FAM98A: variants seen among roughly 807,000 people sequenced by gnomAD.
FAM98A encodes tRNA splicing ligase complex subunit 3A, also known as protein FAM98A.
In FAM98A, 25 loss-of-function variants were observed where a neutral mutation model predicts 62.9. The ratio of observed to expected loss-of-function variants is 0.40; its 90% confidence interval spans 0.29 to 0.56. FAM98A has a LOEUF of 0.56. Among genes scored for constraint, FAM98A ranks in the 20% least tolerant of loss-of-function variants. FAM98A has a pLI of 0.51. For missense variants in FAM98A, 653 were observed against 640.7 expected, an observed-to-expected ratio of 1.02 and a Z score of -0.21; for synonymous variants, 252 against 228.6, an observed-to-expected ratio of 1.10 and a Z score of -0.92.
At chr2:33,587,151 AT>A (rs1180955144) in intron 5 of FAM98A, 88 bp downstream of exon 5, 8 of 836,110 alleles carry the variant, frequency 9.6e-6, no homozygotes, top group Non-Finnish European at 1.4e-5. Context: ...AGAAAACATA[AT>A]TTAAAAAGCA....
At position 33,584,082 on chromosome 2, in the gene FAM98A, C is replaced by T. The variant is rs1677477760; in HGVS notation, c.*694G>A. On this transcript the variant is annotated 3_prime_UTR_variant, in exon 8 of 8. Coordinates refer to ENST00000238823, the MANE Select transcript of FAM98A (RefSeq NM_015475.5). ...GGTCAGTTTGAATTGCTATACTTAA[C>T]TAAATGCCTACATGTACTATAGCTT... 6.6e-6 allele frequency: 1 copy of T among 152,634 alleles called. No individual in the cohort carries two copies. The highest frequency in any genetic ancestry group is 2.4e-5 in the African/African-American group (1 of 41,444). 9.5% of individuals were successfully genotyped at this position (152,634 alleles called of 1,614,324 possible).
chr2:33,588,286 T>G, intron 4 of FAM98A, 49 bp downstream of exon 4: 1 of 1,376,470 alleles, frequency 7.3e-7, no homozygotes, highest in East Asian at 2.3e-5. Flanking sequence ...TTCAAACAAA[T>G]GTAGGACTAT....
At chr2:33,595,450 A>G in intron 2 of FAM98A, 39 bp downstream of exon 2, 1 of 1,550,916 alleles carries the variant, frequency 6.4e-7, no homozygotes, top group South Asian at 1.2e-5. Context: ...CCTCAATGTT[A>G]TTTTTATACT....
intron 2 of FAM98A, among the ~76,000 whole-genome samples, 166 bp downstream of exon 2, chr2:33,595,323 T>C (rs1452665432): frequency 6.6e-6 from 1 of 152,224 alleles, no homozygotes; most frequent in East Asian, 1.9e-4. Flanking sequence ...TTTCAACTTC[T>C]GAATCACCTC....
At chr2:33,596,435 A>C (rs560896050) in intron 1 of FAM98A, among the ~76,000 whole-genome samples, 54 of 152,176 alleles carry the variant, frequency 3.5e-4, no homozygotes, top group Non-Finnish European at 6.6e-4. Flanking sequence ...AAACATTCAT[A>C]AAAGATGACA....
At chr2:33,599,127 G>A (rs761945268) in intron 1 of FAM98A, 42 bp downstream of exon 1, 1 of 1,564,972 alleles carries the variant, frequency 6.4e-7, no homozygotes, top group Non-Finnish European at 8.8e-7. Context: ...CCAGGGGGCC[G>A]GCAGCGTGGG....
chr2:33,585,000 C>G lies in FAM98A; in HGVS notation c.1333G>C (p.Asp445His), dbSNP rs1426901244. 1 of 1,614,104 alleles carries G rather than the reference C, an allele frequency of 6.2e-7. No homozygotes were observed. The highest frequency in any genetic ancestry group is 1.7e-5 in the Admixed American group (1 of 60,018). ...TGCCCGCCATCTTGGTATCTATTGT[C>G]CTGCTGGTAGCCACCACCCTGGTAT... ...SGYQGGGYQQDNRYQDGGHHG... is the reference protein window; with the variant it reads ...SGYQGGGYQQHNRYQDGGHHG... Residue 445 changes from aspartate to histidine, a missense_variant, in exon 8 of 8, where the codon GAC becomes CAC. By Grantham distance (81) the Asp-to-His change is moderately conservative. Coordinates refer to ENST00000238823, the MANE Select transcript of FAM98A (RefSeq NM_015475.5).
chr2:33,587,850 A>G (rs1005124490), intron 4 of FAM98A, among the ~76,000 whole-genome samples: 1 of 151,398 alleles, frequency 6.6e-6, no homozygotes, highest in African/African-American at 2.4e-5. Flanking sequence ...ATTTCTTTTC[A>G]CATACTAGAT....
At chr2:33,593,077 C>A (rs1398343036) in intron 2 of FAM98A, among the ~76,000 whole-genome samples, 1 of 152,204 alleles carries the variant, frequency 6.6e-6, no homozygotes, top group South Asian at 2.1e-4. Flanking sequence ...CTGATTTCCT[C>A]TCTCTGTGAA....
At position 33,584,859 on chromosome 2, in the gene FAM98A, C is replaced by A. The variant is rs370142791; in HGVS notation, c.1474G>T (p.Gly492Cys). The A allele has an allele frequency of 1.9e-6, 3 of 1,614,002 alleles. No individual in the cohort carries two copies. Among genetic ancestry groups the A allele is most frequent in the East Asian group, 2.2e-5 (1 of 44,876 alleles). The change falls in exon 8 of 8, where the codon GGT becomes TGT. Residue 492 changes from glycine (G) to cysteine (C), a missense_variant. Gly to Cys is a radical substitution (Grantham distance 159). Coordinates refer to ENST00000238823, the MANE Select transcript of FAM98A (RefSeq NM_015475.5). ...GRGSQNYHQG[G>C]QFEQHFQHGG... ...TGCTGGAAATGCTGTTCAAATTGAC[C>A]CCCTTGGTGATAATTCTGGCTCCCT...
intron 1 of FAM98A, 108 bp downstream of exon 1, chr2:33,599,061 C>T (rs988518194): frequency 6.6e-6 from 6 of 914,976 alleles, no homozygotes; most frequent in African/African-American, 6.5e-5. Flanking sequence ...CAGCCAGGAG[C>T]CACGGGGTGC....
intron 1 of FAM98A, 61 bp downstream of exon 1, chr2:33,599,108 G>A (rs1677893549): frequency 7.3e-7 from 1 of 1,378,944 alleles, no homozygotes; most frequent in Non-Finnish European, 1.0e-6. Context: ...TGGGGCGCAG[G>A]AGGTGTTCCC....
In FAM98A at chr2:33,585,657, C is replaced by T. The variant is rs768202309; in HGVS notation, c.761G>A (p.Arg254His). Reference protein sequence around the residue: ...EKLAKVYQPKRSVLSPKTTIS... With the variant: ...EKLAKVYQPKHSVLSPKTTIS... ...AGTAGTTTTAGGGGATAAGACTGAA[C>T]GTTTCGGCTGGTAAACCTTGGCTAA... The change falls in exon 7 of 8, where the codon CGT (arginine) becomes CAT (histidine). Residue 254 changes from arginine (R) to histidine (H), a missense_variant. Physicochemically the swap from Arg to His is conservative, Grantham distance 29 (BLOSUM62 0). Transcript: ENST00000238823. The T allele has an allele frequency of 4.3e-6, 7 of 1,613,806 alleles. No individual in the cohort carries two copies. Among genetic ancestry groups the T allele is most frequent in the Admixed American group, 1.7e-5 (1 of 59,978 alleles).
intron 2 of FAM98A, among the ~76,000 whole-genome samples, chr2:33,595,153 T>A (rs1677779716): frequency 1.3e-5 from 2 of 152,206 alleles, no homozygotes; most frequent in Admixed American, 1.3e-4. Context: ...AATATCCCAG[T>A]ATCTAGTTCT....
intron 1 of FAM98A, 45 bp downstream of exon 1, chr2:33,599,124 G>A: frequency 1.2e-5 from 19 of 1,544,650 alleles, no homozygotes; most frequent in Non-Finnish European, 1.7e-5. Flanking sequence ...TTCCCAGGGG[G>A]CCGGCAGCGT....
chr2:33,585,676 T>C lies in FAM98A; in HGVS notation c.742A>G (p.Lys248Glu). Residue 248 changes from lysine (K) to glutamate (E), a missense_variant, in exon 7 of 8, where the codon AAG (lysine) becomes GAG (glutamate). Lys to Glu is a moderately conservative substitution (Grantham distance 56). Transcript: ENST00000238823. ...RAKSQTEKLA[K>E]VYQPKRSVLS... ...ACTGAACGTTTCGGCTGGTAAACCT[T>C]GGCTAATTTTTCTGTCTGGCTCTGT... 1 of 1,613,516 alleles carries C rather than the reference T, an allele frequency of 6.2e-7. No homozygotes were observed. Among genetic ancestry groups the C allele is most frequent in the Non-Finnish European group, 8.5e-7 (1 of 1,179,776 alleles).
chr2:33,585,634 T>C lies in FAM98A; in HGVS notation c.784A>G (p.Thr262Ala), dbSNP rs745677231. Residue 262 changes from threonine to alanine, a missense_variant, in exon 7 of 8, where the codon ACT (threonine) becomes GCT (alanine). Physicochemically the swap from Thr to Ala is moderately conservative, Grantham distance 58. Coordinates refer to ENST00000238823, the MANE Select transcript of FAM98A (RefSeq NM_015475.5). ...GCCAAAAGATGGGCAACAGAAATAG[T>C]AGTTTTAGGGGATAAGACTGAACGT... ...PKRSVLSPKTTISVAHLLAAR... is the reference protein window; with the variant it reads ...PKRSVLSPKTAISVAHLLAAR... 13 of 1,614,016 alleles carry C rather than the reference T, an allele frequency of 8.1e-6. No individual in the cohort carries two copies. In the African/African-American group the frequency reaches 1.5e-4, roughly 18 times the overall value.
At chr2:33,586,352 C>G (rs1288005078) in intron 6 of FAM98A, among the ~76,000 whole-genome samples, 6 of 152,160 alleles carry the variant, frequency 3.9e-5, no homozygotes, top group Non-Finnish European at 8.8e-5. Flanking sequence ...CTGTAAAATT[C>G]AGATTTGTTA....
At position 33,584,024 on chromosome 2, in the gene FAM98A, G is replaced by T. The variant is rs999276778; in HGVS notation, c.*752C>A. 4 of 152,588 alleles carry T rather than the reference G, an allele frequency of 2.6e-5. No homozygotes were observed. Among genetic ancestry groups the T allele is most frequent in the Admixed American group, 6.5e-5 (1 of 15,270 alleles). 9.5% of individuals were successfully genotyped at this position (152,588 alleles called of 1,614,324 possible). A position where few individuals can be genotyped will look rare whatever the true frequency, so the allele number is the denominator to read the frequency against. On this transcript the variant is annotated 3_prime_UTR_variant, in exon 8 of 8. Coordinates refer to ENST00000238823, the MANE Select transcript of FAM98A (RefSeq NM_015475.5). ...TCTAGCAAATTTCAAGTAAAAATAA[G>T]GTTGAAGGAGGAATTTGTTTTGGAT...
Sources: gnomAD v4.1 joint callset for allele counts (sites outside exome capture counted in the v4.1 genomes callset) on GRCh38, gnomAD v4.1.1 for gene constraint, MANE v1.5 for transcripts, NCBI Gene and HGNC (gene_info 2026-07-23, HGNC 2026-07-21) for gene names.